Variants in PIK3C2A observed in about 807,000 individuals in gnomAD.
PIK3C2A encodes phosphatidylinositol-4-phosphate 3-kinase catalytic subunit type 2 alpha.
Under a neutral mutation model 204.5 loss-of-function variants are expected in PIK3C2A, and 97 were observed. That is an observed-to-expected ratio of 0.47 (90% CI 0.40 to 0.56). The LOEUF is 0.56. Ranked by LOEUF, PIK3C2A falls within the 20% of genes least tolerant of loss-of-function variation. The pLI, the probability that PIK3C2A is intolerant of heterozygous loss-of-function variation, is 0.00. For missense variants in PIK3C2A, 1,735 were observed against 1,969.2 expected (o/e 0.88, Z 2.25); for synonymous variants, 653 against 664.4 (o/e 0.98, Z 0.26).
chr11:17,105,191 G>A lies in PIK3C2A; in HGVS notation c.3659C>T (p.Pro1220Leu). Reference sequence around the variant, plus strand: ...TACCTTTTCATATTCTTCTTCAGAGGGATTGTATTTCCTTAGCCACTCTGC... The same window carrying A: ...TACCTTTTCATATTCTTCTTCAGAGAGATTGTATTTCCTTAGCCACTCTGC... ...PLAEWLRKYN[P>L]SEEEYEKASE... Residue 1220 changes from proline (P) to leucine (L), a missense_variant, in exon 23 of 33, where the codon CCC becomes CTC. Pro to Leu is a moderately conservative substitution (Grantham distance 98, BLOSUM62 -3). Transcript: ENST00000691414. The A allele has an allele frequency of 6.2e-7, 1 of 1,610,840 alleles. No individual in the cohort carries two copies. Among genetic ancestry groups the A allele is most frequent in the Non-Finnish European group, 8.5e-7 (1 of 1,177,280 alleles).
At chr11:17,175,643 A>T (rs1851311550) in intron 1 of PIK3C2A, among the ~76,000 whole-genome samples, 1 of 152,222 alleles carries the variant, frequency 6.6e-6, no homozygotes, top group Non-Finnish European at 1.5e-5. Flanking sequence ...TTCTCAACAT[A>T]AAGTAACCCA....
At chr11:17,205,985 T>C (rs1852559255) in intron 1 of PIK3C2A, among the ~76,000 whole-genome samples, 1 of 152,168 alleles carries the variant, frequency 6.6e-6, no homozygotes, top group Admixed American at 6.6e-5. Context: ...GAGCCATGTG[T>C]GGTGGCGCGT....
chr11:17,120,651 T>C (rs1296745065), intron 15 of PIK3C2A, among the ~76,000 whole-genome samples: 3 of 152,142 alleles, frequency 2.0e-5, no homozygotes, highest in Non-Finnish European at 4.4e-5. Context: ...TATGCTCTTC[T>C]AGAGAGTTTA....
intron 1 of PIK3C2A, among the ~76,000 whole-genome samples, chr11:17,181,643 TATATATATATATATATACAC>T (rs1565297276): frequency 6.4e-5 from 1 of 15,566 alleles, no homozygotes; most frequent in African/African-American, 2.8e-4. Flanking sequence ...TATATATATA[TATATATATATATATATACAC>T]ACACACACAC....
chr11:17,118,420 G>A (rs997169625), intron 18 of PIK3C2A, among the ~76,000 whole-genome samples: 13 of 152,016 alleles, frequency 8.6e-5, no homozygotes, highest in African/African-American at 2.7e-4. Flanking sequence ...TAAGCAAGTC[G>A]AAACCCATTC....
At chr11:17,115,916 A>G (rs1225470039) in intron 19 of PIK3C2A, among the ~76,000 whole-genome samples, 1 of 152,210 alleles carries the variant, frequency 6.6e-6, no homozygotes, top group Non-Finnish European at 1.5e-5. Context: ...AGACCTAAAC[A>G]TAAGAGCTAA....
intron 1 of PIK3C2A, among the ~76,000 whole-genome samples, chr11:17,180,251 CAT>C (rs578023713): frequency 1.1e-3 from 169 of 152,186 alleles, no homozygotes; most frequent in African/African-American, 3.8e-3. Flanking sequence ...CGTGGTGGCA[CAT>C]GTTACTCGGG....
rs17847732 is a variant in PIK3C2A, at chr11:17,112,342, A to G, written c.3414+232T>C. 9.2e-5 allele frequency among the ~76,000 whole-genome samples: 14 copies of G among 152,202 alleles called. 1 individual carries two copies. The East Asian group carries it at 2.7e-3, about 29-fold the overall frequency. On this transcript the variant is annotated intron_variant, in intron 21 of 32. Coordinates refer to ENST00000691414, the MANE Select transcript of PIK3C2A (RefSeq NM_002645.4). ...GTGGCAGGTGCCTGTAATCTCAGCT[A>G]CTTGGGAGGCTGAGGCAGGAGAATC...
In PIK3C2A at chr11:17,169,311, G is replaced by C; in HGVS notation, c.431C>G (p.Pro144Arg). ...ATAAGTGGAAGGCCCAGGTAATCCA[G>C]GTGGCCACTGTCCTCTCTGAATAGT... is the stretch of plus-strand genomic sequence containing the variant. ...RPTIQRGQWP[P>R]GLPGPSTYAL... Residue 144 changes from proline to arginine, a missense_variant, in exon 2 of 33, where the codon CCT becomes CGT. By Grantham distance (103) the Pro-to-Arg change is moderately radical. This residue lies in a region of PIK3C2A where 536 missense variants were observed against 546.7 expected (regional missense o/e 0.98). Transcript: ENST00000691414. The C allele has an allele frequency of 6.2e-7, 1 of 1,614,156 alleles. No homozygotes were observed. Among genetic ancestry groups the C allele is most frequent in the Non-Finnish European group, 8.5e-7 (1 of 1,180,012 alleles).
At chr11:17,187,504 C>A (rs1438518260) in intron 1 of PIK3C2A, among the ~76,000 whole-genome samples, 1 of 152,126 alleles carries the variant, frequency 6.6e-6, no homozygotes, top group Non-Finnish European at 1.5e-5. Flanking sequence ...TTTCATCACC[C>A]CATAAAGAAA....
intron 23 of PIK3C2A, among the ~76,000 whole-genome samples, chr11:17,103,751 G>C (rs1301755292): frequency 1.3e-5 from 2 of 152,148 alleles, no homozygotes; most frequent in Non-Finnish European, 2.9e-5. Context: ...TAATTGTTAA[G>C]TTGCAGAGTG....
At chr11:17,134,651 G>A (rs945717480) in intron 11 of PIK3C2A, among the ~76,000 whole-genome samples, 168 bp downstream of exon 11, 3 of 152,052 alleles carry the variant, frequency 2.0e-5, no homozygotes, top group Admixed American at 6.6e-5. Context: ...ATGAGCCACC[G>A]TGCCTGACTG....
At chr11:17,129,771 T>C (rs1849638538) in intron 12 of PIK3C2A, among the ~76,000 whole-genome samples, 1 of 152,148 alleles carries the variant, frequency 6.6e-6, no homozygotes, top group South Asian at 2.1e-4. Context: ...TTCGTATTTT[T>C]AGTAGAGACG....
intron 12 of PIK3C2A, among the ~76,000 whole-genome samples, 196 bp downstream of exon 12, chr11:17,131,720 C>T (rs773431295): frequency 3.9e-4 from 59 of 152,050 alleles, no homozygotes; most frequent in African/African-American, 1.2e-3. Context: ...TGCGCCCGGT[C>T]GGTATTTAAT....
chr11:17,108,249 T>C (rs558061674), intron 22 of PIK3C2A, among the ~76,000 whole-genome samples: 2 of 152,312 alleles, frequency 1.3e-5, no homozygotes, highest in South Asian at 2.1e-4. Flanking sequence ...TGAAAAGTAG[T>C]GTATCAAATA....
chr11:17,178,340 A>T (rs1406423230), intron 1 of PIK3C2A, among the ~76,000 whole-genome samples: 1 of 152,148 alleles, frequency 6.6e-6, no homozygotes, highest in Non-Finnish European at 1.5e-5. Flanking sequence ...AGACAAAGGT[A>T]TCTAGTGAAC....
At chr11:17,167,284 C>G (rs955999492) in intron 2 of PIK3C2A, among the ~76,000 whole-genome samples, 31 of 152,152 alleles carry the variant, frequency 2.0e-4, no homozygotes, top group African/African-American at 7.5e-4. Context: ...ACCTTCTTAA[C>G]ACCGATTTCT....
At position 17,119,815 on chromosome 11, in the gene PIK3C2A, TG is replaced by T; in HGVS notation, c.2816del (p.Pro939HisfsTer2). On this transcript the variant is annotated frameshift_variant, in exon 16 of 33. Transcript: ENST00000691414. LOFTEE classifies it high-confidence loss of function. The stretch of plus-strand genomic sequence containing the variant: ...AATCAAGAAGTTCCAATGCAATTAG[TG>T]GGTACAATGCAGGCCACTGGTGAAG... ...SLLHQWPALY[P>X]LIALELLDSK... 1 of 1,567,264 alleles carries T rather than the reference TG, an allele frequency of 6.4e-7. No homozygotes were observed. Among genetic ancestry groups the T allele is most frequent in the African/African-American group, 1.4e-5 (1 of 72,276 alleles).
At chr11:17,151,549 T>C (rs1018009315) in intron 3 of PIK3C2A, among the ~76,000 whole-genome samples, 1 of 152,200 alleles carries the variant, frequency 6.6e-6, no homozygotes, top group South Asian at 2.1e-4. Flanking sequence ...CATTAGTGCA[T>C]AGCCTCTAGA....
Sources: allele counts gnomAD v4.1 joint callset (sites outside exome capture counted in the v4.1 genomes callset), GRCh38; gene constraint gnomAD v4.1.1; regional missense constraint gnomAD v4.1.1; transcripts MANE v1.5; gene names NCBI Gene and HGNC (gene_info 2026-07-23, HGNC 2026-07-21).